The following RALGAPB variants were observed in gnomAD, a reference collection of about 807,000 sequenced individuals.
The protein encoded by RALGAPB is ral GTPase-activating protein subunit beta.
Under a neutral mutation model 161.1 loss-of-function variants are expected in RALGAPB, and 25 were observed. The observed-to-expected ratio is 0.16, with a 90% CI of 0.11 to 0.22. The LOEUF (loss-of-function observed/expected upper bound fraction) is 0.22. Ranked by LOEUF, RALGAPB falls within the 10% of genes least tolerant of loss-of-function variation. The pLI is 1.00. For missense variants in RALGAPB, 1,391 were observed against 1,815.2 expected (o/e 0.77, Z 4.25); for synonymous variants, 629 against 626.1 (o/e 1.00, Z -0.07).
intron 5 of RALGAPB, among the ~76,000 whole-genome samples, chr20:38,504,106 AAG>A (rs2085678048): frequency 6.6e-6 from 1 of 152,220 alleles, no homozygotes; most frequent in Admixed American, 6.5e-5. Context: ...GCAACCAAAA[AAG>A]AGCTCTAATA....
chr20:38,574,353 T>G (rs2088355514), intron 29 of RALGAPB, 55 bp downstream of exon 29: 1 of 1,518,046 alleles, frequency 6.6e-7, no homozygotes. Flanking sequence ...TTATCATTTT[T>G]ATAAACCAAA....
intron 9 of RALGAPB, 131 bp downstream of exon 9, chr20:38,518,131 T>G: frequency 1.2e-6 from 1 of 827,606 alleles, no homozygotes; most frequent in Non-Finnish European, 1.9e-6. Flanking sequence ...CAATGTCTTG[T>G]GCTTAACCCC....
chr20:38,484,177 C>G (rs941931108), intron 1 of RALGAPB, among the ~76,000 whole-genome samples: 2 of 151,462 alleles, frequency 1.3e-5, no homozygotes, highest in Non-Finnish European at 2.9e-5. Flanking sequence ...GACTCCATCT[C>G]AAAAAAAAGA....
At chr20:38,553,790 A>AAC in intron 21 of RALGAPB, 77 bp from the exon 22 acceptor site, 4 of 816,364 alleles carry the variant, frequency 4.9e-6, no homozygotes, top group South Asian at 3.8e-5. Flanking sequence ...AAAAAAAAAA[A>AAC]AAAAAAAAAA....
intron 6 of RALGAPB, 76 bp from the exon 7 acceptor site, chr20:38,516,116 T>G: frequency 8.4e-7 from 1 of 1,189,970 alleles, no homozygotes; most frequent in South Asian, 1.6e-5. Context: ...AGTCCTATTC[T>G]TAAATTAGAT....
At chr20:38,523,153 C>CA (rs1205480778) in intron 10 of RALGAPB, among the ~76,000 whole-genome samples, 257 of 129,890 alleles carry the variant, frequency 2.0e-3, no homozygotes, top group Middle Eastern at 7.8e-3. Context: ...GACTCCGTCT[C>CA]AAAAAAAAAA....
intron 1 of RALGAPB, among the ~76,000 whole-genome samples, chr20:38,480,798 C>T (rs547960708): frequency 3.1e-4 from 40 of 128,686 alleles, no homozygotes; most frequent in African/African-American, 9.5e-4. Context: ...AGTGCAGTGG[C>T]GCAATCTTGG....
chr20:38,495,253 T>C (rs1179141080), intron 3 of RALGAPB, among the ~76,000 whole-genome samples: 6 of 152,234 alleles, frequency 3.9e-5, no homozygotes, highest in Non-Finnish European at 7.3e-5. Context: ...TTGCTAGAGA[T>C]TATGTCAGAA....
At chr20:38,482,721 G>T (rs879722166) in intron 1 of RALGAPB, among the ~76,000 whole-genome samples, 1 of 151,824 alleles carries the variant, frequency 6.6e-6, no homozygotes, top group Non-Finnish European at 1.5e-5. Flanking sequence ...GAGCCACCGC[G>T]TCTGGTGTAT....
chr20:38,550,517 C>T (rs1368290726), intron 20 of RALGAPB, among the ~76,000 whole-genome samples: 2 of 152,088 alleles, frequency 1.3e-5, no homozygotes, highest in African/African-American at 2.4e-5. Context: ...GCATTGAAGA[C>T]TGAAGAGGAA....
chr20:38,526,432 T>TA (rs2086472922), intron 13 of RALGAPB, among the ~76,000 whole-genome samples: 1 of 152,060 alleles, frequency 6.6e-6, no homozygotes, highest in South Asian at 2.1e-4. Flanking sequence ...CTCTTCCTCT[T>TA]ACTCCTGCCC....
intron 26 of RALGAPB, 39 bp downstream of exon 26, chr20:38,567,271 T>G: frequency 6.2e-7 from 1 of 1,600,028 alleles, no homozygotes; most frequent in Non-Finnish European, 8.5e-7. Flanking sequence ...AATTTTGTAG[T>G]GAAATCAGGG....
chr20:38,518,092 T>C (rs1453565215), intron 9 of RALGAPB, 92 bp downstream of exon 9: 3 of 1,203,962 alleles, frequency 2.5e-6, no homozygotes, highest in Non-Finnish European at 3.5e-6. Context: ...TTAATATGTA[T>C]CTTAAAAAGC....
chr20:38,572,011 C>T (rs1036828240), intron 28 of RALGAPB, among the ~76,000 whole-genome samples: 25 of 151,968 alleles, frequency 1.6e-4, no homozygotes, highest in African/African-American at 5.8e-4. Flanking sequence ...TGCTATTTTA[C>T]ATTTATCTAG....
At position 38,532,832 on chromosome 20, in the gene RALGAPB, C is replaced by G. The variant is rs761718393; in HGVS notation, c.2218C>G (p.Pro740Ala). The change falls in exon 15 of 30, where the codon CCT (proline) becomes GCT (alanine). Residue 740 changes from proline (P) to alanine (A), a missense_variant. Transcript: ENST00000262879. ...TEPTTPDSER[P>A]AQALLRDYAL... ...GCCCACGACTCCCGATAGTGAGAGACCTGCTCAAGCTCTCTTAAGAGATTA... is the reference window on the plus strand; with the variant it reads ...GCCCACGACTCCCGATAGTGAGAGAGCTGCTCAAGCTCTCTTAAGAGATTA... 6.2e-6 allele frequency: 10 copies of G among 1,614,122 alleles called. No homozygotes were observed. In the Admixed American group the frequency reaches 1.5e-4, roughly 24 times the overall value.
chr20:38,495,381 A>G, intron 3 of RALGAPB, among the ~76,000 whole-genome samples: 1 of 152,162 alleles, frequency 6.6e-6, no homozygotes, highest in East Asian at 1.9e-4. Flanking sequence ...ACTATACTGT[A>G]CTTTAGAAAA....
At chr20:38,512,686 G>A (rs1001554835) in intron 6 of RALGAPB, among the ~76,000 whole-genome samples, 2 of 152,166 alleles carry the variant, frequency 1.3e-5, no homozygotes, top group African/African-American at 4.8e-5. Flanking sequence ...ATTTTGAGTA[G>A]GATGTTGGTT....
In RALGAPB at chr20:38,576,582, T is replaced by C. The variant is rs1265714525; in HGVS notation, c.*1615T>C. On this transcript the variant is annotated 3_prime_UTR_variant, in exon 30 of 30. Coordinates refer to ENST00000262879, the MANE Select transcript of RALGAPB (RefSeq NM_020336.4). Reference sequence around the variant, plus strand: ...TCTATGACTCCAGTTTCCATTCAGGTTATAGTATTATTCAATAGTTGATTT... The same window carrying C: ...TCTATGACTCCAGTTTCCATTCAGGCTATAGTATTATTCAATAGTTGATTT... The C allele has an allele frequency of 6.6e-6, 1 of 152,206 alleles. No homozygotes were observed. The highest frequency in any genetic ancestry group is 6.5e-5 in the Admixed American group (1 of 15,278). The allele number at this position is 152,206 out of a possible 1,614,324, so 9.4% of individuals were successfully genotyped here.
intron 1 of RALGAPB, among the ~76,000 whole-genome samples, chr20:38,477,999 C>T (rs1364036375): frequency 6.6e-6 from 1 of 152,080 alleles, no homozygotes; most frequent in East Asian, 1.9e-4. Flanking sequence ...GTGACACACA[C>T]CTGTGGTCTG....
Sources: gnomAD v4.1 joint callset for allele counts (sites outside exome capture counted in the v4.1 genomes callset) on GRCh38, gnomAD v4.1.1 for gene constraint, MANE v1.5 for transcripts, NCBI Gene and HGNC (gene_info 2026-07-23, HGNC 2026-07-21) for gene names.